Variants in TRPC3 observed in about 807,000 individuals in gnomAD.
The protein encoded by TRPC3 is transient receptor potential cation channel subfamily C member 3, also known as short transient receptor potential channel 3.
TRPC3 carries 54 observed loss-of-function variants against 90.9 expected under a neutral mutation model. The observed-to-expected ratio is 0.59, with a 90% CI of 0.48 to 0.75. The LOEUF is 0.75. Among genes scored for constraint, TRPC3 ranks in the 30% least tolerant of loss-of-function variants. The probability of loss-of-function intolerance (pLI) is 0.00; values close to 1 mark genes in which losing one functional copy is unlikely to be tolerated. For synonymous variants in TRPC3, 424 were observed against 450.9 expected, an observed-to-expected ratio of 0.94 and a Z score of 0.75; for missense variants, 918 against 1,194.5, an observed-to-expected ratio of 0.77 and a Z score of 3.41.
intron 3 of TRPC3, among the ~76,000 whole-genome samples, chr4:121,921,250 C>T (rs1343976980): frequency 6.6e-6 from 1 of 151,982 alleles, no homozygotes; most frequent in Non-Finnish European, 1.5e-5. Flanking sequence ...TGGCCGGGCG[C>T]GGTGGCTCAC....
At chr4:121,949,976 T>TA (rs1235465176) in intron 1 of TRPC3, among the ~76,000 whole-genome samples, 2 of 152,016 alleles carry the variant, frequency 1.3e-5, no homozygotes, top group Non-Finnish European at 2.9e-5. Context: ...TTAAAAGGAA[T>TA]AAAAAAACAG....
rs189387809 is a variant in TRPC3, at chr4:121,946,942, G to A, written c.215+4524C>T. 9.2e-5 allele frequency among the ~76,000 whole-genome samples: 14 copies of A among 152,196 alleles called. No homozygotes were observed. In the East Asian group the frequency reaches 2.5e-3, roughly 27 times the overall value. On this transcript the variant is annotated intron_variant, in intron 1 of 11. Transcript: ENST00000379645. ...TCATGCCTATAATCACAGCAACTTG[G>A]GAGGTAGAGGTAGGAGGATTGCTTG...
intron 11 of TRPC3, among the ~76,000 whole-genome samples, chr4:121,880,936 C>T (rs1727919428): frequency 6.7e-6 from 1 of 148,324 alleles, no homozygotes; most frequent in African/African-American, 2.6e-5. Flanking sequence ...ACACACAAAA[C>T]ATTTGAGGAG....
chr4:121,939,993 A>C (rs534423359), intron 1 of TRPC3, among the ~76,000 whole-genome samples: 2 of 152,310 alleles, frequency 1.3e-5, no homozygotes, highest in Admixed American at 6.5e-5. Flanking sequence ...GTTTATCCAA[A>C]TAAACATTTA....
intron 1 of TRPC3, among the ~76,000 whole-genome samples, chr4:121,933,989 T>TATGGTTTA (rs1730046531): frequency 6.6e-6 from 1 of 152,226 alleles, no homozygotes; most frequent in South Asian, 2.1e-4. Flanking sequence ...AAGGTTTGAT[T>TATGGTTTA]ATGGTTTAAA....
chr4:121,932,912 A>T lies in TRPC3; in HGVS notation c.346T>A (p.Phe116Ile). The part of the protein sequence containing the change: ...GTSLTAEEER[F>I]LDAAEYGNIP... ...TTGCCGTACTCGGCGGCGTCGAGGA[A>T]GCGCTCCTCCTCGGCGGTGAGGCTG... Residue 116 changes from phenylalanine to isoleucine, a missense_variant, in exon 2 of 12, where the codon TTC becomes ATC. By Grantham distance (21) the Phe-to-Ile change is conservative (BLOSUM62 0). Around this residue, in one of 4 missense-constraint regions of TRPC3, gnomAD observed 609 missense variants for 725.9 expected, o/e 0.84. Coordinates refer to ENST00000379645, the MANE Select transcript of TRPC3 (RefSeq NM_001130698.2). The surrounding 1 kb of genome is among the most constrained non-coding windows in gnomAD (Gnocchi z 7.7). The T allele has an allele frequency of 6.2e-7, 1 of 1,614,084 alleles. No individual in the cohort carries two copies.
chr4:121,902,900 T>C lies in TRPC3; in HGVS notation c.2415A>G (p.Arg805=). 1 of 1,613,444 alleles carries C rather than the reference T, an allele frequency of 6.2e-7. No individual in the cohort carries two copies. The highest frequency in any genetic ancestry group is 1.3e-5 in the African/African-American group (1 of 75,002). Residue 805 remains arginine, a synonymous_variant, in exon 9 of 12, where the codon AGA becomes AGG. Transcript: ENST00000379645. The part of the protein sequence containing the change: ...RIVNFPKCRR[R]RLQKDIEMGM... ...CCATTTCTATATCCTTCTGAAGCCT[T>C]CTCCTTCTGCATTTGGGAAAGTTAA...
chr4:121,932,735 T>C lies in TRPC3; in HGVS notation c.523A>G (p.Ile175Val), dbSNP rs1270307623. The change falls in exon 2 of 12, where the codon ATT (isoleucine) becomes GTT (valine). Residue 175 changes from isoleucine to valine, a missense_variant. Coordinates refer to ENST00000379645, the MANE Select transcript of TRPC3 (RefSeq NM_001130698.2). This position sits in a 1 kb window ranked among gnomAD's most constrained non-coding sequence, Gnocchi z 7.7. ...LLLKKENLAR[I>V]GDALLLAISK... is the part of the protein sequence containing the mutation. ...ATGGCGAGCAGCAGGGCGTCGCCAA[T>C]GCGCGCCAGGTTCTCCTTCTTGAGC... is the stretch of plus-strand genomic sequence containing the variant. The C allele has an allele frequency of 6.8e-6, 11 of 1,613,962 alleles. No homozygotes were observed. The highest frequency in any genetic ancestry group is 8.5e-6 in the Non-Finnish European group (10 of 1,179,906).
chr4:121,885,537 A>G (rs1265496025), intron 10 of TRPC3, among the ~76,000 whole-genome samples: 2 of 152,188 alleles, frequency 1.3e-5, no homozygotes, highest in Non-Finnish European at 2.9e-5. Flanking sequence ...AGTGTCTTGT[A>G]AAAGAGACAA....
At chr4:121,910,871 T>C (rs1729059357) in intron 5 of TRPC3, among the ~76,000 whole-genome samples, 1 of 152,188 alleles carries the variant, frequency 6.6e-6, no homozygotes, top group Admixed American at 6.6e-5. Flanking sequence ...CACACTCTTA[T>C]CCTCTCTTCT....
At chr4:121,929,684 C>T (rs776989046) in intron 2 of TRPC3, among the ~76,000 whole-genome samples, 3 of 152,072 alleles carry the variant, frequency 2.0e-5, no homozygotes, top group Admixed American at 6.6e-5. Flanking sequence ...GTTTTAAACA[C>T]CATACCTACT....
At chr4:121,931,277 T>C (rs539926058) in intron 2 of TRPC3, among the ~76,000 whole-genome samples, 1 of 152,282 alleles carries the variant, frequency 6.6e-6, no homozygotes, top group South Asian at 2.1e-4. Flanking sequence ...AACACTAAAC[T>C]AAAAAGATTA....
rs116349612 is a variant in TRPC3 at position 121,889,030 on chromosome 4, C to T, written c.2548-6601G>A. On this transcript the variant is annotated intron_variant, in intron 10 of 11. Transcript: ENST00000379645. The stretch of plus-strand genomic sequence containing the variant: ...GCTACCTGATTTTCAACAAATGCAC[C>T]AAGAACATACATTGGGGAAAGGACA... 1.1e-3 allele frequency among the ~76,000 whole-genome samples: 172 copies of T among 152,210 alleles called. 1 individual carries two copies. The highest frequency in any genetic ancestry group is 3.9e-3 in the African/African-American group (164 of 41,546).
chr4:121,933,050 G>A lies in TRPC3; in HGVS notation c.216-8C>T, dbSNP rs200504504. 3.8e-5 allele frequency: 58 copies of A among 1,544,916 alleles called. No individual in the cohort carries two copies. Among genetic ancestry groups the A allele is most frequent in the South Asian group, 7.4e-5 (6 of 80,820 alleles). On this transcript the variant is annotated splice_region_variant and splice_polypyrimidine_tract_variant and intron_variant, in intron 1 of 11. Transcript: ENST00000379645. Reference sequence around the variant, plus strand: ...GGGCTTCCCTCCATGGACCTAATCAGTAGCAACGATAAAACAACTGTAGAA... The same window carrying A: ...GGGCTTCCCTCCATGGACCTAATCAATAGCAACGATAAAACAACTGTAGAA...
rs1212975712 is a variant in TRPC3, at chr4:121,879,763, C to T, written c.2739G>A (p.Leu913=). The change falls in exon 12 of 12, where the codon CTG becomes CTA. Residue 913 remains leucine, a synonymous_variant. Coordinates refer to ENST00000379645, the MANE Select transcript of TRPC3 (RefSeq NM_001130698.2). ...ATTCACATCTCAGCATGCTGGGATT[C>T]AGTTTCTCACTAAGTTTATGAATTA... ...AILIHKLSEK[L]NPSMLRCE 6.2e-7 allele frequency: 1 copy of T among 1,609,834 alleles called. No individual in the cohort carries two copies. The highest frequency in any genetic ancestry group is 2.2e-5 in the East Asian group (1 of 44,510).
At chr4:121,905,838 A>G (rs1322209571) in intron 7 of TRPC3, among the ~76,000 whole-genome samples, 1 of 152,112 alleles carries the variant, frequency 6.6e-6, no homozygotes, top group African/African-American at 2.4e-5. Context: ...CTATTCCTAT[A>G]GAGTTACTCT....
In TRPC3 at chr4:121,876,635, T is replaced by C. The variant is rs1727769868; in HGVS notation, c.*3101A>G. Among the ~76,000 whole-genome samples, 1 of 152,238 alleles carries C rather than the reference T, an allele frequency of 6.6e-6. No homozygotes were observed. The highest frequency in any genetic ancestry group is 2.1e-4 in the South Asian group (1 of 4,838). On this transcript the variant is annotated 3_prime_UTR_variant, in exon 12 of 12. Transcript: ENST00000379645. Reference sequence around the variant, plus strand: ...ATCCTAAATTGTACCAAATTTGCTTTTAATAATCACAACATATCATTTTTG... The same window carrying C: ...ATCCTAAATTGTACCAAATTTGCTTCTAATAATCACAACATATCATTTTTG...
chr4:121,951,385 G>T lies in TRPC3; in HGVS notation c.215+81C>A. 1 of 980,458 alleles carries T rather than the reference G, an allele frequency of 1.0e-6. No homozygotes were observed. The highest frequency in any genetic ancestry group is 1.3e-6 in the Non-Finnish European group (1 of 790,304). The allele number at this position is 980,458 out of a possible 1,614,324, so 60.7% of individuals were successfully genotyped here. ...TCTCGGAGGTCCCGGGCTCGACGTG[G>T]AGCCGCCCGGCGCGCGCCTTCCCGC... is the stretch of plus-strand genomic sequence containing the variant. On this transcript the variant is annotated intron_variant, in intron 1 of 11. Transcript: ENST00000379645. The surrounding 1 kb of genome is among the most constrained non-coding windows in gnomAD (Gnocchi z 4.4).
At chr4:121,894,562 T>TG (rs1358814195) in intron 10 of TRPC3, among the ~76,000 whole-genome samples, 1,606 of 132,586 alleles carry the variant, frequency 0.012, 25 homozygotes, top group Non-Finnish European at 0.02. Flanking sequence ...TCTGTTTTTT[T>TG]TTTTTTTTTT....
Sources: allele counts gnomAD v4.1 joint callset (sites outside exome capture counted in the v4.1 genomes callset), GRCh38; gene constraint gnomAD v4.1.1; regional missense constraint gnomAD v4.1.1; non-coding constraint Gnocchi (gnomAD v3.1); transcripts MANE v1.5; gene names NCBI Gene and HGNC (gene_info 2026-07-23, HGNC 2026-07-21).